PRKN: variants seen among roughly 807,000 people sequenced by gnomAD.
The protein encoded by PRKN is parkin RBR E3 ubiquitin protein ligase.
A neutral mutation model predicts 59.5 loss-of-function variants in PRKN; 56 were observed. The observed-to-expected ratio is 0.94, with a 90% CI of 0.76 to 1.18. The LOEUF (loss-of-function observed/expected upper bound fraction) is 1.18. Ranked by LOEUF, PRKN falls within the 50% of genes most tolerant of loss-of-function variation. PRKN has a pLI of 0.00. For synonymous variants in PRKN, 250 were observed against 222.1 expected (o/e 1.13, Z -1.12); for missense variants, 657 against 596.4 (o/e 1.10, Z -1.06).
intron 3 of PRKN, among the ~76,000 whole-genome samples, chr6:162,208,458 G>A (rs1311610671): frequency 1.3e-5 from 2 of 152,130 alleles, no homozygotes; most frequent in Admixed American, 1.3e-4. Flanking sequence ...ACAATAATTT[G>A]ACCTACTGAG....
chr6:161,756,749 T>C lies in PRKN; in HGVS notation c.871+29023A>G, dbSNP rs142815603. Among the ~76,000 whole-genome samples, 888 of 152,128 alleles carry C rather than the reference T, an allele frequency of 5.8e-3. 5 individuals carry two copies. Among genetic ancestry groups the C allele is most frequent in the African/African-American group, 0.02 (846 of 41,482 alleles). On this transcript the variant is annotated intron_variant, in intron 7 of 11. Coordinates refer to ENST00000366898, the MANE Select transcript of PRKN (RefSeq NM_004562.3). ...CAGCAACCTCACTTCAAACTCTGAG[T>C]CATAAGATAATAACATGAACCTAGA...
intron 7 of PRKN, among the ~76,000 whole-genome samples, chr6:161,684,661 C>A (rs897330280): frequency 2.6e-5 from 4 of 151,842 alleles, no homozygotes; most frequent in Non-Finnish European, 5.9e-5. Flanking sequence ...TCTAAAGACA[C>A]ATGTAAATAT....
chr6:161,999,704 G>A (rs1269203246), intron 5 of PRKN, among the ~76,000 whole-genome samples: 1 of 152,056 alleles, frequency 6.6e-6, no homozygotes, highest in African/African-American at 2.4e-5. Context: ...AACTACTTTT[G>A]TTACCAAGAC....
At chr6:161,638,712 TAGTG>T (rs1325161605) in intron 7 of PRKN, among the ~76,000 whole-genome samples, 1 of 150,130 alleles carries the variant, frequency 6.7e-6, no homozygotes, top group Non-Finnish European at 1.5e-5. Context: ...GTTTTTGTAA[TAGTG>T]AGTGAGTTCT....
chr6:161,779,408 CTTTTCTTTTTTTTCTCT>C (rs1352807695), intron 7 of PRKN, among the ~76,000 whole-genome samples: 26 of 91,368 alleles, frequency 2.8e-4, no homozygotes, highest in African/African-American at 9.1e-4. Flanking sequence ...CCTTTCCTTT[CTTTTCTTTTTTTTCTCT>C]TTTTCTTTTC....
At chr6:162,609,982 C>T (rs564377801) in intron 1 of PRKN, among the ~76,000 whole-genome samples, 198 of 152,254 alleles carry the variant, frequency 1.3e-3, no homozygotes, top group African/African-American at 4.4e-3. Context: ...ATTTAAATTG[C>T]ATTTTCCATA....
chr6:161,962,287 T>C (rs1259385908), intron 6 of PRKN, among the ~76,000 whole-genome samples: 1 of 152,188 alleles, frequency 6.6e-6, no homozygotes, highest in Non-Finnish European at 1.5e-5. Context: ...TCTGAAGATA[T>C]GAACTGGCAC....
intron 6 of PRKN, among the ~76,000 whole-genome samples, chr6:161,898,188 C>T (rs576332817): frequency 1.2e-3 from 178 of 150,756 alleles, no homozygotes; most frequent in African/African-American, 4.1e-3. Flanking sequence ...CCAGTTAAAA[C>T]GAATCTGTAA....
At chr6:162,038,174 A>C (rs977467065) in intron 5 of PRKN, among the ~76,000 whole-genome samples, 2 of 152,086 alleles carry the variant, frequency 1.3e-5, no homozygotes, top group Admixed American at 1.3e-4. Flanking sequence ...CAAATTAAGT[A>C]CATTTTTATT....
intron 6 of PRKN, among the ~76,000 whole-genome samples, chr6:161,958,518 T>C (rs934635313): frequency 4.6e-5 from 7 of 152,180 alleles, no homozygotes; most frequent in Admixed American, 2.0e-4. Context: ...ATAATAATAA[T>C]AATTAAAACT....
At chr6:162,186,494 G>T (rs982947493) in intron 4 of PRKN, among the ~76,000 whole-genome samples, 3 of 151,826 alleles carry the variant, frequency 2.0e-5, no homozygotes, top group Admixed American at 2.0e-4. Context: ...CTTTGTGGAA[G>T]AAAAGGGCTT....
At chr6:161,837,080 G>C (rs1295491590) in intron 6 of PRKN, among the ~76,000 whole-genome samples, 1 of 152,162 alleles carries the variant, frequency 6.6e-6, no homozygotes, top group Non-Finnish European at 1.5e-5. Context: ...GAGGCAGCAT[G>C]GTGCTGTTAA....
intron 3 of PRKN, among the ~76,000 whole-genome samples, chr6:162,245,907 C>A (rs1449328286): frequency 1.3e-5 from 2 of 152,104 alleles, no homozygotes; most frequent in African/African-American, 2.4e-5. Context: ...TTACTTATCT[C>A]TTGGTGACCT....
intron 6 of PRKN, among the ~76,000 whole-genome samples, chr6:161,902,556 A>ATCTTTTTTTT (rs1382089937): frequency 1.7e-5 from 2 of 118,200 alleles, no homozygotes; most frequent in African/African-American, 3.5e-5. Context: ...CTATTTATTT[A>ATCTTTTTTTT]TTTATTTATT....
At chr6:162,715,056 C>A (rs1231813588) in intron 1 of PRKN, among the ~76,000 whole-genome samples, 1 of 152,150 alleles carries the variant, frequency 6.6e-6, no homozygotes, top group South Asian at 2.1e-4. Context: ...ATTAATGAAC[C>A]ATCTCCTCAG....
intron 2 of PRKN, among the ~76,000 whole-genome samples, chr6:162,427,676 C>T (rs1000624663): frequency 5.5e-5 from 8 of 145,276 alleles, no homozygotes; most frequent in East Asian, 2.0e-4. Context: ...GATGGAGTCT[C>T]GCTCTGTCGC....
At chr6:162,695,993 T>C (rs981994675) in intron 1 of PRKN, among the ~76,000 whole-genome samples, 5 of 152,090 alleles carry the variant, frequency 3.3e-5, no homozygotes, top group African/African-American at 1.2e-4. Flanking sequence ...ACGCACACAA[T>C]GTACAGCTGC....
chr6:162,409,491 C>T (rs899411207), intron 2 of PRKN, among the ~76,000 whole-genome samples: 1 of 152,102 alleles, frequency 6.6e-6, no homozygotes, highest in African/African-American at 2.4e-5. Context: ...CCCACCCTCA[C>T]CCCATGCACT....
In PRKN at chr6:161,439,394, A is replaced by G. The variant is rs143411672; in HGVS notation, c.1084-52517T>C. Among the ~76,000 whole-genome samples the G allele has an allele frequency of 1.4e-3, 217 of 152,352 alleles. 1 individual carries two copies. Among genetic ancestry groups the G allele is most frequent in the African/African-American group, 5.1e-3 (213 of 41,586 alleles). On this transcript the variant is annotated intron_variant, in intron 9 of 11. Coordinates refer to ENST00000366898, the MANE Select transcript of PRKN (RefSeq NM_004562.3). ...AAAGTGCTTTGGAATCACAAAATGA[A>G]AAAACAAGTGTCAGCTGTGGGAGAT...
Sources: gnomAD v4.1 joint callset for allele counts (sites outside exome capture counted in the v4.1 genomes callset) on GRCh38, gnomAD v4.1.1 for gene constraint, MANE v1.5 for transcripts, NCBI Gene and HGNC (gene_info 2026-07-23, HGNC 2026-07-21) for gene names.